Variants in CLDN16 observed in about 807,000 individuals in gnomAD.
CLDN16 encodes claudin-16.
CLDN16 carries 13 observed loss-of-function variants against 24.6 expected under a neutral mutation model. The observed-to-expected ratio is 0.53, with a 90% CI of 0.34 to 0.84. CLDN16 has a LOEUF of 0.84. Among genes scored for constraint, CLDN16 ranks in the 40% least tolerant of loss-of-function variants. The pLI is 0.01. For synonymous variants in CLDN16, 116 were observed against 106.7 expected (o/e 1.09, Z -0.54); for missense variants, 298 against 292.7 (o/e 1.02, Z -0.13).
rs66823649 is a variant in CLDN16 at position 190,333,583 on chromosome 3, A to T, written n.121+10922A>T. On this transcript the variant is annotated intron_variant and non_coding_transcript_variant, in intron 1 of 4. Transcript: ENST00000468220. ...CTATCTATCTATCTATCTATCTATC[A>T]ATCATCTTTCTATAAATCTACTGAT... Among the ~76,000 whole-genome samples the T allele has an allele frequency of 9.3e-3, 219 of 23,536 alleles. 2 individuals are homozygous for T. The highest frequency in any genetic ancestry group is 0.051 in the East Asian group (15 of 292). The allele number at this position is 23,536 out of a possible 152,430, so 15.4% of individuals were successfully genotyped here.
chr3:190,351,228 T>G (rs1717666166), intron 1 of CLDN16, among the ~76,000 whole-genome samples: 1 of 152,138 alleles, frequency 6.6e-6, no homozygotes, highest in South Asian at 2.1e-4. Context: ...TCACCATGCT[T>G]TCTGGACAGG....
intron 2 of CLDN16, 107 bp from the exon 3 acceptor site, chr3:190,404,655 G>A: frequency 2.9e-6 from 3 of 1,034,070 alleles, no homozygotes; most frequent in East Asian, 2.4e-5. Context: ...TTTTACCGGA[G>A]GGGTGTGTTA....
chr3:190,351,352 C>G (rs1191965349), intron 1 of CLDN16, among the ~76,000 whole-genome samples: 1 of 151,992 alleles, frequency 6.6e-6, no homozygotes, highest in Non-Finnish European at 1.5e-5. Context: ...TCCCAGCCTT[C>G]TCCAGCTCTA....
At chr3:190,397,503 C>G (rs1718850142) in intron 1 of CLDN16, among the ~76,000 whole-genome samples, 1 of 152,118 alleles carries the variant, frequency 6.6e-6, no homozygotes. Flanking sequence ...TTTAGATTTG[C>G]TTGCTTTTTA....
intron 3 of CLDN16, among the ~76,000 whole-genome samples, chr3:190,408,087 T>C (rs969656770): frequency 6.6e-6 from 1 of 152,216 alleles, no homozygotes; most frequent in Non-Finnish European, 1.5e-5. Flanking sequence ...TATTTCATTT[T>C]TGCATTTTCT....
At chr3:190,332,646 A>G (rs1560080253) in intron 1 of CLDN16, among the ~76,000 whole-genome samples, 1 of 152,210 alleles carries the variant, frequency 6.6e-6, no homozygotes, top group African/African-American at 2.4e-5. Context: ...AGTTAGCAGA[A>G]AGATAAGATT....
chr3:190,362,624 A>G (rs967742492), intron 1 of CLDN16, among the ~76,000 whole-genome samples: 2 of 152,036 alleles, frequency 1.3e-5, no homozygotes, highest in Non-Finnish European at 2.9e-5. Context: ...GGCAGCCGGC[A>G]ACGTGAACCA....
chr3:190,312,814 T>A, the CLDN16 span: 1 of 1,589,002 alleles, frequency 6.3e-7, no homozygotes. Flanking sequence ...ACGTAATAGA[T>A]TTCAAATCAT....
chr3:190,408,163 G>A, intron 3 of CLDN16, 151 bp from the exon 4 acceptor site: 1 of 772,918 alleles, frequency 1.3e-6, no homozygotes. Context: ...AGAGACAGAA[G>A]AAGTGTCCGA....
Position 190,410,055 on chromosome 3 carries a change from T to G in CLDN16, c.*19T>G, listed in dbSNP as rs752931762. ...GGTGTAAAATGCACGTTTCAGGGTG[T>G]GTTTGCATATGATTTAATCAATCAG... On this transcript the variant is annotated 3_prime_UTR_variant, in exon 5 of 5. Coordinates refer to ENST00000264734, the MANE Select transcript of CLDN16 (RefSeq NM_006580.4). 53 of 1,613,730 alleles carry G rather than the reference T, an allele frequency of 3.3e-5. No homozygotes were observed. The Admixed American group carries it at 8.8e-4, about 27-fold the overall frequency.
chr3:190,348,335 A>ATGGG (rs1717599925), intron 1 of CLDN16, among the ~76,000 whole-genome samples: 1 of 138,370 alleles, frequency 7.2e-6, no homozygotes. Context: ...CAAGACTGCA[A>ATGGG]TGTGTGTGTG....
intron 1 of CLDN16, among the ~76,000 whole-genome samples, chr3:190,348,087 C>CAAA (rs777398020): frequency 0.035 from 3,401 of 97,296 alleles, 69 homozygotes; most frequent in East Asian, 0.066. Flanking sequence ...ACTGAAAATA[C>CAAA]AAAAAAAAAA....
At chr3:190,366,113 G>A (rs1365888328) in intron 1 of CLDN16, among the ~76,000 whole-genome samples, 1 of 151,670 alleles carries the variant, frequency 6.6e-6, no homozygotes, top group Non-Finnish European at 1.5e-5. Context: ...TTAAGTCCTG[G>A]GCCTGCTTTT....
the CLDN16 span, chr3:190,312,801 C>A: frequency 9.1e-6 from 14 of 1,541,836 alleles, no homozygotes; most frequent in Non-Finnish European, 1.2e-5. Context: ...TATAATGAAT[C>A]CAACGTAATA....
Position 190,341,656 on chromosome 3 carries a change from T to C in CLDN16, n.121+18995T>C, listed in dbSNP as rs143933826. The stretch of plus-strand genomic sequence containing the variant: ...TTGACTTGGTGATTAATATTCGGCT[T>C]CTCATTAGTTATGCAAATTTCTATA... On this transcript the variant is annotated intron_variant and non_coding_transcript_variant, in intron 1 of 4. Transcript: ENST00000468220. Among the ~76,000 whole-genome samples, 746 of 152,306 alleles carry C rather than the reference T, an allele frequency of 4.9e-3. 4 individuals are homozygous for C. The highest frequency in any genetic ancestry group is 0.01 in the Middle Eastern group (3 of 294).
At chr3:190,394,477 A>C (rs11709598) in intron 1 of CLDN16, among the ~76,000 whole-genome samples, 30,018 of 152,132 alleles carry the variant, frequency 0.2, 3,233 homozygotes, top group East Asian at 0.37. Context: ...CAATTCTTTT[A>C]AATATAAAGT....
At chr3:190,323,361 G>A (rs1050188528) in intron 1 of CLDN16, among the ~76,000 whole-genome samples, 1 of 152,152 alleles carries the variant, frequency 6.6e-6, no homozygotes, top group Admixed American at 6.5e-5. Flanking sequence ...AAAAGGACTG[G>A]GCTGGAGTTG....
intron 1 of CLDN16, among the ~76,000 whole-genome samples, chr3:190,363,556 G>GTGTGTGTATATATATATATA (rs1301414615): frequency 1.1e-5 from 1 of 87,428 alleles, no homozygotes; most frequent in African/African-American, 4.7e-5. Context: ...GTGTGTGTGT[G>GTGTGTGTATATATATATATA]TATATATATA....
At chr3:190,314,193 T>C in the CLDN16 span, among the ~76,000 whole-genome samples, 1 of 152,188 alleles carries the variant, frequency 6.6e-6, no homozygotes, top group African/African-American at 2.4e-5. Context: ...TGATGGTCTT[T>C]AAAAGTGGCT....
Sources: allele counts gnomAD v4.1 joint callset (sites outside exome capture counted in the v4.1 genomes callset), GRCh38; gene constraint gnomAD v4.1.1; transcripts MANE v1.5; gene names NCBI Gene and HGNC (gene_info 2026-07-23, HGNC 2026-07-21).